Variants in EXOC4 observed in about 807,000 individuals in gnomAD.
EXOC4 encodes exocyst complex component 4.
Under a neutral mutation model 107.2 loss-of-function variants are expected in EXOC4, and 71 were observed. That is an observed-to-expected ratio of 0.66 (90% CI 0.55 to 0.81). The LOEUF (loss-of-function observed/expected upper bound fraction) is 0.81, where lower values mean the gene tolerates loss of function less well. EXOC4 is among the 30% of genes least tolerant of loss of function. The pLI is 0.00. For missense variants in EXOC4, 1,108 were observed against 1,189.6 expected, an observed-to-expected ratio of 0.93 and a Z score of 1.01; for synonymous variants, 456 against 441.2, an observed-to-expected ratio of 1.03 and a Z score of -0.42.
chr7:133,596,026 C>T (rs990221912), intron 9 of EXOC4, among the ~76,000 whole-genome samples: 1 of 152,340 alleles, frequency 6.6e-6, no homozygotes, highest in Admixed American at 6.5e-5. Flanking sequence ...TTGCTTTGCT[C>T]CAACATGCTA....
chr7:133,775,500 A>G (rs1001117256), intron 10 of EXOC4, among the ~76,000 whole-genome samples: 2 of 152,182 alleles, frequency 1.3e-5, no homozygotes, highest in African/African-American at 4.8e-5. Context: ...ATTGTCTTTA[A>G]TAAAGTTAGC....
chr7:134,042,979 T>C (rs995377901), intron 17 of EXOC4, among the ~76,000 whole-genome samples: 1 of 152,176 alleles, frequency 6.6e-6, no homozygotes, highest in African/African-American at 2.4e-5. Flanking sequence ...AGGTGGAGGT[T>C]GCAGTTAGCC....
intron 17 of EXOC4, among the ~76,000 whole-genome samples, chr7:134,050,726 G>A (rs937283362): frequency 2.6e-5 from 4 of 152,208 alleles, no homozygotes; most frequent in Non-Finnish European, 4.4e-5. Flanking sequence ...GAAGAACTGG[G>A]AGAAAATGTG....
intron 7 of EXOC4, among the ~76,000 whole-genome samples, chr7:133,427,501 G>A (rs1050952620): frequency 6.6e-6 from 1 of 152,130 alleles, no homozygotes; most frequent in Non-Finnish European, 1.5e-5. Context: ...TTTTGGTAGA[G>A]CAGGAATTTT....
intron 7 of EXOC4, among the ~76,000 whole-genome samples, chr7:133,448,281 A>G (rs1798263273): frequency 6.6e-6 from 1 of 151,722 alleles, no homozygotes; most frequent in South Asian, 2.1e-4. Flanking sequence ...TTTGAATTCT[A>G]ATTTTTACTC....
intron 7 of EXOC4, among the ~76,000 whole-genome samples, chr7:133,395,697 A>G (rs892100059): frequency 1.3e-5 from 2 of 152,106 alleles, no homozygotes; most frequent in South Asian, 2.1e-4. Context: ...CACACACTGT[A>G]TTTAGAAAGA....
intron 14 of EXOC4, among the ~76,000 whole-genome samples, chr7:133,990,945 C>A (rs1392388650): frequency 6.6e-6 from 1 of 152,128 alleles, no homozygotes; most frequent in Non-Finnish European, 1.5e-5. Flanking sequence ...ATATACCCAG[C>A]AGTGAGATTG....
At chr7:133,637,917 C>G (rs537435837) in intron 10 of EXOC4, among the ~76,000 whole-genome samples, 1 of 152,024 alleles carries the variant, frequency 6.6e-6, no homozygotes, top group Non-Finnish European at 1.5e-5. Flanking sequence ...AATGGAGAGC[C>G]AGTCAAGATA....
At chr7:133,952,736 T>C (rs1460432952) in intron 14 of EXOC4, among the ~76,000 whole-genome samples, 1 of 152,202 alleles carries the variant, frequency 6.6e-6, no homozygotes, top group Non-Finnish European at 1.5e-5. Context: ...ATAAGTGGAA[T>C]CATGTAGTAT....
intron 9 of EXOC4, among the ~76,000 whole-genome samples, chr7:133,608,198 G>A (rs1801993129): frequency 1.3e-5 from 2 of 151,936 alleles, no homozygotes; most frequent in Non-Finnish European, 2.9e-5. Flanking sequence ...TAGGTAAATC[G>A]AAAACAGCAA....
intron 5 of EXOC4, among the ~76,000 whole-genome samples, chr7:133,334,023 C>T (rs529935427): frequency 1.6e-4 from 25 of 152,260 alleles, no homozygotes; most frequent in African/African-American, 5.5e-4. Flanking sequence ...TAGTTCTTTT[C>T]GACCCCAACC....
Position 133,921,867 on chromosome 7 carries a change from GT to G in EXOC4, c.2027+4135del, listed in dbSNP as rs577308621. 1.9e-3 allele frequency among the ~76,000 whole-genome samples: 286 copies of G among 152,222 alleles called. 2 individuals are homozygous for G. Among genetic ancestry groups the G allele is most frequent in the Non-Finnish European group, 3.4e-3 (229 of 68,012 alleles). On this transcript the variant is annotated intron_variant, in intron 13 of 17. Transcript: ENST00000253861. ...CTGTCTTATAGTTCTTGGATTGTATGTTTTTTAACTATCTCAGAGTTCTTAG... is the reference window on the plus strand; with the variant it reads ...CTGTCTTATAGTTCTTGGATTGTATGTTTTTAACTATCTCAGAGTTCTTAG...
rs1291790215 is a variant in EXOC4, at chr7:133,585,140, C to T, written c.1418-44905C>T. ...GCTGTTTCCATTACTTTCTTTACTC[C>T]TCACACATGCAAAGGTCAAATGCAA... On this transcript the variant is annotated intron_variant, in intron 9 of 17. Transcript: ENST00000253861. 2.0e-5 allele frequency among the ~76,000 whole-genome samples: 3 copies of T among 152,084 alleles called. No individual in the cohort carries two copies. The East Asian group carries it at 5.8e-4, about 29-fold the overall frequency.
intron 9 of EXOC4, among the ~76,000 whole-genome samples, chr7:133,519,370 C>G (rs1799940260): frequency 6.6e-6 from 1 of 152,054 alleles, no homozygotes; most frequent in South Asian, 2.1e-4. Flanking sequence ...CTGCAGTAAG[C>G]TGAGATTATG....
chr7:133,961,058 G>A (rs1463147742), intron 14 of EXOC4, among the ~76,000 whole-genome samples: 1 of 152,102 alleles, frequency 6.6e-6, no homozygotes, highest in African/African-American at 2.4e-5. Flanking sequence ...GTTATCTTGG[G>A]TTATGCAGGT....
At chr7:134,057,093 G>T (rs905316549) in intron 17 of EXOC4, among the ~76,000 whole-genome samples, 1 of 152,096 alleles carries the variant, frequency 6.6e-6, no homozygotes, top group African/African-American at 2.4e-5. Context: ...AGGCCAAGAG[G>T]TAACTGGTAA....
chr7:133,623,774 C>G (rs1802388296), intron 9 of EXOC4, among the ~76,000 whole-genome samples: 1 of 152,180 alleles, frequency 6.6e-6, no homozygotes, highest in African/African-American at 2.4e-5. Context: ...TTGTTTTCTT[C>G]TTGATATAGC....
At position 134,036,986 on chromosome 7, in the gene EXOC4, A is replaced by T. The variant is rs138611071; in HGVS notation, c.2688-27305A>T. Among the ~76,000 whole-genome samples, 472 of 152,336 alleles carry T rather than the reference A, an allele frequency of 3.1e-3. 3 individuals are homozygous for T. The highest frequency in any genetic ancestry group is 0.011 in the African/African-American group (455 of 41,582). ...TACAAATAGAAGGGGGAGATTAGTG[A>T]TTATTTATTCATTCTTATTCTTCCT... On this transcript the variant is annotated intron_variant, in intron 17 of 17. Transcript: ENST00000253861.
chr7:133,860,092 T>C (rs1368808613), intron 11 of EXOC4, among the ~76,000 whole-genome samples: 1 of 152,214 alleles, frequency 6.6e-6, no homozygotes, highest in Admixed American at 6.5e-5. Flanking sequence ...TATGCAGTTT[T>C]GTTTTTAGAT....
Sources: allele counts gnomAD v4.1 joint callset (sites outside exome capture counted in the v4.1 genomes callset), GRCh38; gene constraint gnomAD v4.1.1; transcripts MANE v1.5; gene names NCBI Gene and HGNC (gene_info 2026-07-23, HGNC 2026-07-21).